The following SPARCL1 variants were observed in gnomAD, a reference collection of about 807,000 sequenced individuals.
The protein encoded by SPARCL1 is SPARC like 1, also known as SPARC-like protein 1.
Under a neutral mutation model 67.1 loss-of-function variants are expected in SPARCL1, and 52 were observed. The ratio of observed to expected loss-of-function variants is 0.78; its 90% confidence interval spans 0.62 to 0.98. The LOEUF (loss-of-function observed/expected upper bound fraction) is 0.98. Ranked by LOEUF, SPARCL1 falls within the 50% of genes least tolerant of loss-of-function variation. SPARCL1 has a pLI of 0.00. For missense variants in SPARCL1, 717 were observed against 782.4 expected, an observed-to-expected ratio of 0.92 and a Z score of 1.00; for synonymous variants, 226 against 267.8, an observed-to-expected ratio of 0.84 and a Z score of 1.52.
intron 1 of SPARCL1, among the ~76,000 whole-genome samples, chr4:87,505,991 T>TG (rs993449634): frequency 7.9e-5 from 12 of 152,190 alleles, no homozygotes; most frequent in Non-Finnish European, 1.8e-4. Context: ...TTCTTTGTTG[T>TG]GGGGGGCTGT....
At chr4:87,525,034 A>C (rs1256232771) in intron 1 of SPARCL1, among the ~76,000 whole-genome samples, 1 of 151,890 alleles carries the variant, frequency 6.6e-6, no homozygotes, top group Non-Finnish European at 1.5e-5. Flanking sequence ...ATGGTAGTAC[A>C]TGCCTGTAGT....
intron 1 of SPARCL1, among the ~76,000 whole-genome samples, chr4:87,511,865 G>A (rs550129747): frequency 6.6e-6 from 1 of 151,974 alleles, no homozygotes; most frequent in South Asian, 2.1e-4. Context: ...GCAAAGGAGA[G>A]TAACGTGGTA....
intron 1 of SPARCL1, among the ~76,000 whole-genome samples, chr4:87,501,927 T>C (rs1027069880): frequency 3.9e-5 from 6 of 151,950 alleles, no homozygotes; most frequent in Non-Finnish European, 5.9e-5. Context: ...TGTCTATCAT[T>C]CTGGGAAACT....
At chr4:87,514,012 G>T (rs1483448422) in intron 1 of SPARCL1, among the ~76,000 whole-genome samples, 4 of 151,942 alleles carry the variant, frequency 2.6e-5, no homozygotes, top group Non-Finnish European at 5.9e-5. Flanking sequence ...TGTCCAACAT[G>T]GTGAAACCCC....
intron 4 of SPARCL1, among the ~76,000 whole-genome samples, chr4:87,492,993 A>C (rs1330204272): frequency 6.6e-6 from 1 of 152,232 alleles, no homozygotes; most frequent in African/African-American, 2.4e-5. Flanking sequence ...ATTCAACTCG[A>C]AAACAATATG....
intron 4 of SPARCL1, among the ~76,000 whole-genome samples, chr4:87,491,954 CCAA>C (rs748047360): frequency 0.35 from 30,616 of 87,790 alleles, 5,470 homozygotes; most frequent in African/African-American, 0.62. Context: ...ACCCCCCCCC[CCAA>C]AAAAAAAAAA....
intron 10 of SPARCL1, among the ~76,000 whole-genome samples, chr4:87,474,988 T>C (rs6851836): frequency 0.48 from 72,968 of 151,784 alleles, 17,913 homozygotes; most frequent in African/African-American, 0.55. Context: ...GTGATCCGCC[T>C]GCCTCAGCCT....
At position 87,518,535 on chromosome 4, in the gene SPARCL1, G is replaced by A. The variant is rs73840206; in HGVS notation, c.-12+10510C>T. ...AGACATCAGCTGTTTTTATCAGTGAGATGATGCTGATACTTCTCTTCCCCG... is the reference window on the plus strand; with the variant it reads ...AGACATCAGCTGTTTTTATCAGTGAAATGATGCTGATACTTCTCTTCCCCG... On this transcript the variant is annotated intron_variant, in intron 1 of 10. Transcript: ENST00000282470. Among the ~76,000 whole-genome samples the A allele has an allele frequency of 4.7e-3, 718 of 152,286 alleles. 10 individuals are homozygous for A. The highest frequency in any genetic ancestry group is 0.016 in the African/African-American group (669 of 41,558).
chr4:87,525,637 C>T (rs2110271301), intron 1 of SPARCL1, among the ~76,000 whole-genome samples: 1 of 152,300 alleles, frequency 6.6e-6, no homozygotes, highest in South Asian at 2.1e-4. Context: ...TAGCAGCTCT[C>T]TTGTTGATTT....
chr4:87,523,121 C>T (rs528868161), intron 1 of SPARCL1, among the ~76,000 whole-genome samples: 2 of 152,048 alleles, frequency 1.3e-5, no homozygotes, highest in African/African-American at 2.4e-5. Flanking sequence ...ATTAGCCAGG[C>T]GTGGTGGTGC....
chr4:87,525,952 C>A lies in SPARCL1; in HGVS notation c.-12+3093G>T, dbSNP rs565619790. ...AAAACACCAAACAAAGACAAAAAAA[C>A]AAAAAAAAGACTCTTTCACTTGAAT... On this transcript the variant is annotated intron_variant, in intron 1 of 10. Coordinates refer to ENST00000282470, the MANE Select transcript of SPARCL1 (RefSeq NM_004684.6). Among the ~76,000 whole-genome samples the A allele has an allele frequency of 5.5e-4, 83 of 151,452 alleles. 1 individual carries two copies. The South Asian group carries it at 0.016, about 30-fold the overall frequency.
chr4:87,478,229 G>A (rs546635896), intron 10 of SPARCL1, among the ~76,000 whole-genome samples: 2 of 151,912 alleles, frequency 1.3e-5, no homozygotes, highest in Non-Finnish European at 2.9e-5. Flanking sequence ...TCTGTGAGTG[G>A]TATTTTTCTT....
At chr4:87,522,785 G>A (rs1261539014) in intron 1 of SPARCL1, among the ~76,000 whole-genome samples, 2 of 151,948 alleles carry the variant, frequency 1.3e-5, no homozygotes, top group East Asian at 1.9e-4. Flanking sequence ...TGGAACAAAG[G>A]TGTTTTGCCT....
chr4:87,515,197 C>T (rs1359733749), intron 1 of SPARCL1, among the ~76,000 whole-genome samples: 3 of 152,152 alleles, frequency 2.0e-5, no homozygotes, highest in African/African-American at 4.8e-5. Flanking sequence ...ACAGTTGGTA[C>T]GGAACTGGAA....
chr4:87,512,684 T>C (rs1725417898), intron 1 of SPARCL1, among the ~76,000 whole-genome samples: 1 of 152,106 alleles, frequency 6.6e-6, no homozygotes, highest in African/African-American at 2.4e-5. Flanking sequence ...AGAAGAATCA[T>C]GCAGTGGAGC....
intron 1 of SPARCL1, among the ~76,000 whole-genome samples, chr4:87,519,260 C>T (rs545929129): frequency 3.3e-5 from 5 of 152,082 alleles, no homozygotes; most frequent in Middle Eastern, 3.4e-3. Context: ...TTAGTAGAGA[C>T]GGGTTTTCAC....
intron 2 of SPARCL1, among the ~76,000 whole-genome samples, chr4:87,495,930 T>A (rs1219861627): frequency 2.6e-5 from 4 of 152,004 alleles, no homozygotes; most frequent in Non-Finnish European, 4.4e-5. Context: ...AAACTCCATC[T>A]CAAAAACAAA....
intron 8 of SPARCL1, 84 bp downstream of exon 8, chr4:87,482,338 GCA>G: frequency 6.9e-7 from 1 of 1,439,870 alleles, no homozygotes; most frequent in East Asian, 2.3e-5. Context: ...TTGCCAGTAT[GCA>G]GAGGTAGGTA....
intron 1 of SPARCL1, among the ~76,000 whole-genome samples, chr4:87,524,845 T>C (rs1042120890): frequency 6.6e-6 from 1 of 152,142 alleles, no homozygotes; most frequent in Non-Finnish European, 1.5e-5. Flanking sequence ...TTATTGAGCA[T>C]GTACATTCAT....
Sources: gnomAD v4.1 joint callset for allele counts (sites outside exome capture counted in the v4.1 genomes callset) on GRCh38, gnomAD v4.1.1 for gene constraint, MANE v1.5 for transcripts, NCBI Gene and HGNC (gene_info 2026-07-23, HGNC 2026-07-21) for gene names.